BAZ2B: variants seen among roughly 807,000 people sequenced by gnomAD.
BAZ2B encodes the protein bromodomain adjacent to zinc finger domain protein 2B.
A neutral mutation model predicts 246.0 loss-of-function variants in BAZ2B; 91 were observed. That is an observed-to-expected ratio of 0.37 (90% confidence interval 0.31 to 0.44). BAZ2B has a LOEUF of 0.44. BAZ2B is among the 20% of genes least tolerant of loss of function. The pLI is 1.00. For synonymous variants in BAZ2B, 855 were observed against 860.0 expected, an observed-to-expected ratio of 0.99 and a Z score of 0.10; for missense variants, 2,332 against 2,533.7, an observed-to-expected ratio of 0.92 and a Z score of 1.71.
chr2:159,347,704 ACCTCTT>A, intron 30 of BAZ2B, 58 bp from the exon 31 acceptor site: 1 of 1,391,560 alleles, frequency 7.2e-7, no homozygotes, highest in East Asian at 2.5e-5. Flanking sequence ...CCCCACAGAG[ACCTCTT>A]CCAGAAAGTG....
intron 13 of BAZ2B, among the ~76,000 whole-genome samples, chr2:159,418,582 T>G (rs977115958): frequency 1.3e-5 from 2 of 152,210 alleles, no homozygotes; most frequent in African/African-American, 4.8e-5. Flanking sequence ...GCTCCCATTT[T>G]TTAAATACTT....
intron 1 of BAZ2B, among the ~76,000 whole-genome samples, chr2:159,587,229 C>T (rs1270046369): frequency 2.0e-5 from 3 of 152,074 alleles, no homozygotes; most frequent in Admixed American, 2.0e-4. Context: ...CAGGCGCCTG[C>T]CACCACGCCT....
the BAZ2B span, among the ~76,000 whole-genome samples, chr2:159,697,332 T>A: frequency 6.6e-6 from 1 of 152,208 alleles, no homozygotes; most frequent in African/African-American, 2.4e-5. Context: ...CTTAATTGAC[T>A]CATTGGTTAA....
At chr2:159,516,495 T>C (rs1054259324) in intron 2 of BAZ2B, 1 of 152,544 alleles carries the variant, frequency 6.6e-6, no homozygotes, top group African/African-American at 2.4e-5. Context: ...CAATGCTCTA[T>C]TTGTTGAAAC....
intron 2 of BAZ2B, among the ~76,000 whole-genome samples, chr2:159,519,210 C>CTTTTTTT (rs564614568): frequency 0.028 from 1,635 of 57,768 alleles, 207 homozygotes; most frequent in Non-Finnish European, 0.035. Flanking sequence ...ATTCTATTTT[C>CTTTTTTT]TTTTTTTTTT....
At chr2:159,485,979 T>C (rs2079788635) in intron 2 of BAZ2B, among the ~76,000 whole-genome samples, 1 of 152,068 alleles carries the variant, frequency 6.6e-6, no homozygotes, top group Admixed American at 6.5e-5. Flanking sequence ...AGTATCCCTT[T>C]CCATCCAAAG....
chr2:159,467,194 C>G (rs2077171631), intron 3 of BAZ2B, among the ~76,000 whole-genome samples: 1 of 152,114 alleles, frequency 6.6e-6, no homozygotes, highest in African/African-American at 2.4e-5. Flanking sequence ...TTTGAGAAGG[C>G]AGGCAGGATT....
chr2:159,467,315 G>C (rs560847068), intron 3 of BAZ2B, among the ~76,000 whole-genome samples: 43 of 152,164 alleles, frequency 2.8e-4, no homozygotes, highest in Non-Finnish European at 4.9e-4. Flanking sequence ...AAACTCAAAA[G>C]CTTTTGGAAA....
intron 26 of BAZ2B, among the ~76,000 whole-genome samples, chr2:159,374,127 C>A: frequency 7.8e-6 from 1 of 128,970 alleles, no homozygotes; most frequent in African/African-American, 3.0e-5. Context: ...CCAGGCTTTT[C>A]TCAAACTCCT....
chr2:159,446,424 G>A (rs2074261058), intron 6 of BAZ2B, among the ~76,000 whole-genome samples: 3 of 152,142 alleles, frequency 2.0e-5, no homozygotes, highest in African/African-American at 4.8e-5. Context: ...CTAATGCACA[G>A]GAGTTAACCC....
At chr2:159,649,163 TG>T in the BAZ2B span, among the ~76,000 whole-genome samples, 1 of 152,048 alleles carries the variant, frequency 6.6e-6, no homozygotes, top group African/African-American at 2.4e-5. Context: ...TTAAAAACTG[TG>T]TTATATGTTT....
chr2:159,609,918 G>A (rs115937484), intron 1 of BAZ2B, among the ~76,000 whole-genome samples: 157 of 152,164 alleles, frequency 1.0e-3, no homozygotes, highest in African/African-American at 3.4e-3. Context: ...TTATGAATAT[G>A]CAACCAATTC....
rs754981634 is a variant in BAZ2B, at chr2:159,433,057, G to T, written c.1600C>A (p.Pro534Thr). The change falls in exon 9 of 37, where the codon CCT (proline) becomes ACT (threonine). Residue 534 changes from proline (P) to threonine (T), a missense_variant. By Grantham distance (38) the Pro-to-Thr change is conservative. Around this residue, in one of 9 missense-constraint regions of BAZ2B, gnomAD observed 651 missense variants for 650.9 expected, o/e 1.00. Coordinates refer to ENST00000392783, the MANE Select transcript of BAZ2B (RefSeq NM_013450.4). ...CTCCCACTTGTACTCAGATTTACAG[G>T]TGAGGAAAAAGGGGTGCTACTTGCA... ...AAASSTPFSS[P>T]VNLSTSGRRT... 4 of 1,614,152 alleles carry T rather than the reference G, an allele frequency of 2.5e-6. No individual in the cohort carries two copies. The highest frequency in any genetic ancestry group is 3.4e-6 in the Non-Finnish European group (4 of 1,180,020).
intron 33 of BAZ2B, among the ~76,000 whole-genome samples, chr2:159,333,235 C>T (rs1188169080): frequency 6.6e-6 from 1 of 151,960 alleles, no homozygotes; most frequent in African/African-American, 2.4e-5. Flanking sequence ...TGTGTTCAAA[C>T]CAGGAAACGT....
At chr2:159,689,961 C>T in the BAZ2B span, 9 of 354,138 alleles carry the variant, frequency 2.5e-5, no homozygotes, top group African/African-American at 1.1e-4. Context: ...ACAGGAGCTT[C>T]GATCATTGTC....
chr2:159,357,506 T>C (rs1249477972), intron 27 of BAZ2B, among the ~76,000 whole-genome samples: 2 of 152,132 alleles, frequency 1.3e-5, no homozygotes, highest in African/African-American at 2.4e-5. Flanking sequence ...TTAGTGTACC[T>C]GAAAATGATG....
chr2:159,329,467 G>GCA (rs2064332776), intron 34 of BAZ2B, among the ~76,000 whole-genome samples: 1 of 151,880 alleles, frequency 6.6e-6, no homozygotes, highest in African/African-American at 2.4e-5. Context: ...GTATATATAT[G>GCA]CACACACACA....
chr2:159,691,787 T>A, the BAZ2B span, among the ~76,000 whole-genome samples: 18 of 152,344 alleles, frequency 1.2e-4, no homozygotes, highest in Non-Finnish European at 5.9e-5. Flanking sequence ...CTTTTTACTG[T>A]GATACAGTGC....
chr2:159,388,772 T>C (rs1444042604), intron 21 of BAZ2B, among the ~76,000 whole-genome samples: 2 of 151,932 alleles, frequency 1.3e-5, no homozygotes, highest in African/African-American at 4.8e-5. Context: ...TAAATATCCA[T>C]AGGGATGTGG....
Sources: gnomAD v4.1 joint callset for allele counts (sites outside exome capture counted in the v4.1 genomes callset) on GRCh38, gnomAD v4.1.1 for gene constraint, gnomAD v4.1.1 regional missense constraint, MANE v1.5 for transcripts, NCBI Gene and HGNC (gene_info 2026-07-23, HGNC 2026-07-21) for gene names.